The following SAMMSON variants were observed in gnomAD, a reference collection of about 807,000 sequenced individuals.
SAMMSON encodes survival associated mitochondrial melanoma specific oncogenic non-coding RNA, also known as long intergenic non-protein coding RNA 1212.
intron 4 of SAMMSON, among the ~76,000 whole-genome samples, chr3:70,114,466 G>A (rs922991294): frequency 1.8e-4 from 28 of 152,172 alleles, no homozygotes; most frequent in African/African-American, 6.8e-4. Context: ...TATGCAAACA[G>A]GCAATAAAAC....
At chr3:70,171,406 T>A (rs1168045142) in intron 4 of SAMMSON, among the ~76,000 whole-genome samples, 3 of 151,868 alleles carry the variant, frequency 2.0e-5, no homozygotes, top group African/African-American at 7.2e-5. Context: ...TGGAAGATAT[T>A]GTGAATATAA....
At chr3:70,098,470 C>A (rs2067330982) in intron 4 of SAMMSON, among the ~76,000 whole-genome samples, 1 of 152,054 alleles carries the variant, frequency 6.6e-6, no homozygotes, top group Non-Finnish European at 1.5e-5. Flanking sequence ...CTGGTTCAAG[C>A]AATTCTCCTG....
intron 6 of SAMMSON, among the ~76,000 whole-genome samples, chr3:70,290,922 G>A (rs966554712): frequency 1.3e-5 from 2 of 152,120 alleles, no homozygotes; most frequent in Non-Finnish European, 2.9e-5. Flanking sequence ...TTCGGATGGC[G>A]CACGGTGCGC....
At chr3:70,381,956 T>G (rs879813651) in intron 9 of SAMMSON, among the ~76,000 whole-genome samples, 1 of 152,196 alleles carries the variant, frequency 6.6e-6, no homozygotes, top group African/African-American at 2.4e-5. Context: ...TATTAAATGA[T>G]GTCTAGGAAC....
intron 3 of SAMMSON, among the ~76,000 whole-genome samples, chr3:70,053,971 T>C (rs1333608687): frequency 1.3e-5 from 2 of 152,128 alleles, no homozygotes; most frequent in Non-Finnish European, 2.9e-5. Context: ...ATTTACTGTG[T>C]GCATAACAAG....
chr3:70,252,477 A>G (rs1701778830), intron 6 of SAMMSON, among the ~76,000 whole-genome samples: 1 of 152,176 alleles, frequency 6.6e-6, no homozygotes, highest in Non-Finnish European at 1.5e-5. Context: ...TTCAATTAAG[A>G]TGGGTCAGAG....
intron 2 of SAMMSON, among the ~76,000 whole-genome samples, chr3:70,413,584 C>A (rs1351613718): frequency 6.6e-6 from 1 of 152,048 alleles, no homozygotes; most frequent in East Asian, 1.9e-4. Flanking sequence ...GGCTGGAATT[C>A]CCCCAAGAGG....
intron 4 of SAMMSON, among the ~76,000 whole-genome samples, chr3:70,174,812 AT>A (rs772258954): frequency 1.3e-5 from 2 of 151,846 alleles, no homozygotes. Flanking sequence ...AACTGGAACC[AT>A]TTCTAATTAT....
At chr3:70,181,682 T>A (rs1423076011) in intron 4 of SAMMSON, among the ~76,000 whole-genome samples, 1 of 152,246 alleles carries the variant, frequency 6.6e-6, no homozygotes, top group African/African-American at 2.4e-5. Context: ...CTTGAATTCT[T>A]CTTTTGAAAA....
At chr3:70,290,635 A>G (rs1436257447) in intron 6 of SAMMSON, among the ~76,000 whole-genome samples, 1 of 152,164 alleles carries the variant, frequency 6.6e-6, no homozygotes, top group Non-Finnish European at 1.5e-5. Context: ...AAGCCTGGGC[A>G]ATGGCGGGCG....
chr3:70,075,761 G>A (rs755622376), intron 4 of SAMMSON, among the ~76,000 whole-genome samples: 3 of 152,006 alleles, frequency 2.0e-5, no homozygotes, highest in Non-Finnish European at 2.9e-5. Context: ...AACTCATAGC[G>A]CAGTATAGTG....
chr3:70,005,733 C>T (rs2066924174), intron 1 of SAMMSON, among the ~76,000 whole-genome samples: 1 of 152,190 alleles, frequency 6.6e-6, no homozygotes, highest in Admixed American at 6.5e-5. Flanking sequence ...ACCACTCTCC[C>T]TTAGCACGTA....
intron 6 of SAMMSON, among the ~76,000 whole-genome samples, chr3:70,266,060 A>G (rs6419774): frequency 6.6e-6 from 1 of 152,210 alleles, no homozygotes; most frequent in Non-Finnish European, 1.5e-5. Flanking sequence ...AAAGAGAATG[A>G]GAAATCTCTT....
At chr3:70,153,134 G>T in intron 4 of SAMMSON, among the ~76,000 whole-genome samples, 1 of 151,900 alleles carries the variant, frequency 6.6e-6, no homozygotes, top group Non-Finnish European at 1.5e-5. Flanking sequence ...ATGATCCCAA[G>T]GTGAGGGGCG....
chr3:70,290,661 C>T (rs1002594111), intron 6 of SAMMSON, among the ~76,000 whole-genome samples: 1 of 152,184 alleles, frequency 6.6e-6, no homozygotes, highest in Admixed American at 6.5e-5. Flanking sequence ...CCCCTAGCCT[C>T]GCTGCCGCCT....
At chr3:70,060,072 G>A (rs1007240240) in intron 3 of SAMMSON, among the ~76,000 whole-genome samples, 2 of 152,088 alleles carry the variant, frequency 1.3e-5, no homozygotes, top group Non-Finnish European at 2.9e-5. Context: ...CAGGGAGATT[G>A]TTGATCTTGA....
chr3:70,099,181 C>T (rs1014634350), intron 4 of SAMMSON, among the ~76,000 whole-genome samples: 2 of 152,106 alleles, frequency 1.3e-5, no homozygotes, highest in African/African-American at 4.8e-5. Context: ...AAGATTCTTG[C>T]ACATGTATAT....
chr3:70,030,896 A>G (rs918062160), intron 3 of SAMMSON, among the ~76,000 whole-genome samples: 9 of 152,184 alleles, frequency 5.9e-5, no homozygotes, highest in African/African-American at 2.2e-4. Flanking sequence ...AAAGAAAATA[A>G]CAATTGTTGG....
intron 6 of SAMMSON, among the ~76,000 whole-genome samples, chr3:70,269,177 T>C (rs1241675544): frequency 6.6e-6 from 1 of 152,312 alleles, no homozygotes; most frequent in Middle Eastern, 3.4e-3. Context: ...GTGGAATATA[T>C]TTATTTGGAA....
Sources: gnomAD v4.1 joint callset for allele counts (sites outside exome capture counted in the v4.1 genomes callset) on GRCh38, gnomAD v4.1.1 for gene constraint, MANE v1.5 for transcripts, NCBI Gene and HGNC (gene_info 2026-07-23, HGNC 2026-07-21) for gene names.